Variants in TACC2 observed in about 807,000 individuals in gnomAD.
TACC2 encodes transforming acidic coiled-coil containing protein 2.
In TACC2, 137 loss-of-function variants were observed where a neutral mutation model predicts 227.3. The observed-to-expected ratio is 0.60, with a 90% CI of 0.52 to 0.69. The LOEUF is 0.69. Among genes scored for constraint, TACC2 ranks in the 30% least tolerant of loss-of-function variants. TACC2 has a pLI of 0.00. For missense variants in TACC2, 3,470 were observed against 3,694.4 expected, an observed-to-expected ratio of 0.94 and a Z score of 1.57; for synonymous variants, 1,523 against 1,487.5, an observed-to-expected ratio of 1.02 and a Z score of -0.55.
chr10:122,084,967 C>T lies in TACC2; in HGVS notation c.2467C>T (p.Leu823=), dbSNP rs1476563960. The T allele has an allele frequency of 6.2e-7, 1 of 1,614,192 alleles. No homozygotes were observed. Among genetic ancestry groups the T allele is most frequent in the Non-Finnish European group, 8.5e-7 (1 of 1,180,038 alleles). Residue 823 remains leucine, a synonymous_variant, in exon 4 of 23, where the codon CTA becomes TTA. Transcript: ENST00000369005. ...WIRGAASEWP[L]LSSEKHLQPS... is the part of the protein sequence containing the mutation. ...AAGAGGAGCTGCATCCGAGTGGCCC[C>T]TACTATCTTCTGAGAAGCATCTCCA...
chr10:122,058,402 C>A (rs991674502), intron 3 of TACC2, among the ~76,000 whole-genome samples: 4 of 151,942 alleles, frequency 2.6e-5, no homozygotes, highest in Non-Finnish European at 4.4e-5. Context: ...CAGGCTGCAA[C>A]CCTTTATTAT....
chr10:122,011,005 C>G (rs1955849998), intron 1 of TACC2, among the ~76,000 whole-genome samples: 1 of 152,172 alleles, frequency 6.6e-6, no homozygotes, highest in Admixed American at 6.5e-5. Context: ...GCCATGAAAA[C>G]AAGGGAATAT....
At chr10:122,217,359 C>G (rs146661282) in intron 11 of TACC2, among the ~76,000 whole-genome samples, 1 of 151,706 alleles carries the variant, frequency 6.6e-6, no homozygotes, top group South Asian at 2.1e-4. Flanking sequence ...AAATGGGCTC[C>G]GGACAACTTT....
At position 122,021,928 on chromosome 10, in the gene TACC2, T is replaced by C; in HGVS notation, c.-45-9T>C. ...TTCACAGACGTTTATACCCTTTTGT[T>C]TCTTCCAGTCACCTCTGACAAAATT... On this transcript the variant is annotated splice_polypyrimidine_tract_variant and intron_variant, in intron 1 of 22. Transcript: ENST00000369005. 2 of 1,579,498 alleles carry C rather than the reference T, an allele frequency of 1.3e-6. No homozygotes were observed. Among genetic ancestry groups the C allele is most frequent in the South Asian group, 2.2e-5 (2 of 90,308 alleles).
intron 3 of TACC2, among the ~76,000 whole-genome samples, chr10:122,060,231 A>G (rs1398431136): frequency 1.3e-5 from 2 of 152,174 alleles, no homozygotes; most frequent in Non-Finnish European, 2.9e-5. Flanking sequence ...ATGGTGAGGA[A>G]CTTGGATTTC....
At position 122,210,855 on chromosome 10, in the gene TACC2, C is replaced by T. The variant is rs1435669586; in HGVS notation, c.6430C>T (p.Pro2144Ser). The T allele has an allele frequency of 1.2e-6, 2 of 1,613,056 alleles. No homozygotes were observed. The highest frequency in any genetic ancestry group is 1.7e-6 in the Non-Finnish European group (2 of 1,179,836). Residue 2144 changes from proline to serine, a missense_variant, in exon 9 of 23, where the codon CCC becomes TCC. Around this residue, in one of 10 missense-constraint regions of TACC2, gnomAD observed 593 missense variants for 636.6 expected, o/e 0.93. Coordinates refer to ENST00000369005, the MANE Select transcript of TACC2 (RefSeq NM_206862.4). This position sits in a 1 kb window ranked among gnomAD's most constrained non-coding sequence, Gnocchi z 4.6. ...SLKKKQTTKK[P>S]TETPPVKETQ... is the part of the protein sequence containing the mutation. ...AAAAAAGAAACAGACCACCAAGAAA[C>T]CCACAGAGACCCCCCCAGTGAAGGA...
rs373598465 is a variant in TACC2 at position 122,086,668 on chromosome 10, G to C, written c.4168G>C (p.Gly1390Arg). 3 of 1,612,258 alleles carry C rather than the reference G, an allele frequency of 1.9e-6. No individual in the cohort carries two copies. The highest frequency in any genetic ancestry group is 1.7e-5 in the Admixed American group (1 of 59,926). ...PSQDPKQGTS[G>R]GVDTSSEQIA... ...CCAGGACCCAAAGCAGGGCACATCA[G>C]GTGGTGTGGACACAAGCTCTGAGCA... is the stretch of plus-strand genomic sequence containing the variant. Residue 1390 changes from glycine (G) to arginine (R), a missense_variant, in exon 4 of 23, where the codon GGT becomes CGT. By Grantham distance (125) the Gly-to-Arg change is moderately radical. Transcript: ENST00000369005.
At chr10:122,014,430 T>C (rs12775594) in intron 1 of TACC2, among the ~76,000 whole-genome samples, 68,850 of 151,496 alleles carry the variant, frequency 0.45, 15,741 homozygotes, top group South Asian at 0.6. Flanking sequence ...AGGCTGGTGT[T>C]GAACTCCTGA....
At chr10:122,137,688 A>G (rs984307978) in intron 6 of TACC2, among the ~76,000 whole-genome samples, 17 of 152,212 alleles carry the variant, frequency 1.1e-4, no homozygotes, top group African/African-American at 3.9e-4. Context: ...TTCAGTGTGC[A>G]TCAGAATCAC....
intron 1 of TACC2, chr10:122,019,683 G>A (rs1420994025): frequency 6.6e-6 from 1 of 152,258 alleles, no homozygotes; most frequent in African/African-American, 2.4e-5. Context: ...GTCTAATTGC[G>A]ACGGCCCTGC....
chr10:122,032,994 A>ACT (rs1959168269), intron 2 of TACC2: 2 of 672,378 alleles, frequency 3.0e-6, no homozygotes, highest in Non-Finnish European at 4.4e-6. Context: ...CAACAACAAC[A>ACT]ACAACAAAAA....
intron 2 of TACC2, among the ~76,000 whole-genome samples, chr10:122,041,227 C>T (rs898472618): frequency 1.3e-5 from 2 of 152,172 alleles, no homozygotes; most frequent in Non-Finnish European, 2.9e-5. Context: ...TGGTGCTCTA[C>T]GGTTAACTTG....
intron 3 of TACC2, among the ~76,000 whole-genome samples, chr10:122,055,081 G>C (rs1289862198): frequency 1.3e-5 from 2 of 152,106 alleles, no homozygotes; most frequent in Non-Finnish European, 2.9e-5. Context: ...TTAGCTGGGT[G>C]TAGCGGCATG....
At chr10:122,198,044 G>A (rs886315879) in intron 8 of TACC2, among the ~76,000 whole-genome samples, 3 of 152,244 alleles carry the variant, frequency 2.0e-5, no homozygotes, top group African/African-American at 7.2e-5. Context: ...AGGTGCTGTG[G>A]GAACCACGTG....
chr10:122,235,027 C>A (rs1035745613), intron 16 of TACC2, among the ~76,000 whole-genome samples: 7 of 152,154 alleles, frequency 4.6e-5, no homozygotes, highest in African/African-American at 1.7e-4. Context: ...TTAAAAAAAA[C>A]ACACACATTT....
rs2080070033 is a variant in TACC2, at chr10:122,086,117, G to A, written c.3617G>A (p.Ser1206Asn). 2 of 1,613,530 alleles carry A rather than the reference G, an allele frequency of 1.2e-6. No homozygotes were observed. The highest frequency in any genetic ancestry group is 1.7e-6 in the Non-Finnish European group (2 of 1,179,982). ...AGAGAGCTGGGTGGGATTCCCAGGA[G>A]CACCATGGATTTTTCTACACACCAG... ...PARELGGIPRSTMDFSTHQAV... is the reference protein window; with the variant it reads ...PARELGGIPRNTMDFSTHQAV... Residue 1206 changes from serine (S) to asparagine (N), a missense_variant, in exon 4 of 23, where the codon AGC becomes AAC. Ser to Asn is a conservative substitution (Grantham distance 46). This residue lies in a region of TACC2 where 1,924 missense variants were observed against 1,978.3 expected (regional missense o/e 0.97). Coordinates refer to ENST00000369005, the MANE Select transcript of TACC2 (RefSeq NM_206862.4).
intron 1 of TACC2, among the ~76,000 whole-genome samples, chr10:122,018,621 A>G (rs1270256733): frequency 6.6e-6 from 1 of 152,132 alleles, no homozygotes; most frequent in African/African-American, 2.4e-5. Context: ...GCTATTTCCT[A>G]TCAATGGGAT....
chr10:122,089,580 G>A (rs2080497844), intron 5 of TACC2, among the ~76,000 whole-genome samples: 1 of 152,218 alleles, frequency 6.6e-6, no homozygotes, highest in Non-Finnish European at 1.5e-5. Flanking sequence ...CACGTACACA[G>A]ACACACAGTG....
chr10:122,182,151 A>G (rs1332544041), intron 7 of TACC2, among the ~76,000 whole-genome samples: 3 of 152,232 alleles, frequency 2.0e-5, no homozygotes, highest in Non-Finnish European at 4.4e-5. Flanking sequence ...AGAGCAGGGA[A>G]AGAACTCTGG....
Sources: allele counts gnomAD v4.1 joint callset (sites outside exome capture counted in the v4.1 genomes callset), GRCh38; gene constraint gnomAD v4.1.1; regional missense constraint gnomAD v4.1.1; non-coding constraint Gnocchi (gnomAD v3.1); transcripts MANE v1.5; gene names NCBI Gene and HGNC (gene_info 2026-07-23, HGNC 2026-07-21).